The following ZRANB3 variants were observed in gnomAD, a reference collection of about 807,000 sequenced individuals.
The protein encoded by ZRANB3 is DNA annealing helicase and endonuclease ZRANB3.
In ZRANB3, 125 loss-of-function variants were observed where a neutral mutation model predicts 133.8. The observed-to-expected ratio is 0.93, with a 90% CI of 0.81 to 1.08. The LOEUF is 1.08. Ranked by LOEUF, ZRANB3 falls within the 50% of genes least tolerant of loss-of-function variation. The pLI, the probability that ZRANB3 is intolerant of heterozygous loss-of-function variation, is 0.00. For missense variants in ZRANB3, 1,229 were observed against 1,275.5 expected (o/e 0.96, Z 0.56); for synonymous variants, 387 against 432.7 (o/e 0.89, Z 1.31).
At chr2:135,405,212 A>G (rs1440170454) in intron 2 of ZRANB3, among the ~76,000 whole-genome samples, 1 of 152,226 alleles carries the variant, frequency 6.6e-6, no homozygotes, top group South Asian at 2.1e-4. Context: ...AAAGATCAAA[A>G]GAGACAAAGA....
chr2:135,234,341 A>C (rs1363452256), intron 12 of ZRANB3, among the ~76,000 whole-genome samples: 1 of 152,094 alleles, frequency 6.6e-6, no homozygotes, highest in East Asian at 1.9e-4. Context: ...ACACAATAAT[A>C]ATCAGAGACT....
At chr2:135,316,103 A>C (rs1407852505) in intron 6 of ZRANB3, among the ~76,000 whole-genome samples, 1 of 152,196 alleles carries the variant, frequency 6.6e-6, no homozygotes, top group Non-Finnish European at 1.5e-5. Flanking sequence ...AGAACACAAA[A>C]TTACTATGAA....
chr2:135,336,440 C>T (rs1406118971), intron 6 of ZRANB3, among the ~76,000 whole-genome samples: 1 of 152,122 alleles, frequency 6.6e-6, no homozygotes, highest in Admixed American at 6.6e-5. Context: ...AGAATCAAAA[C>T]ATTATGGAAA....
intron 2 of ZRANB3, among the ~76,000 whole-genome samples, chr2:135,402,719 G>A (rs959065023): frequency 5.9e-5 from 9 of 152,102 alleles, no homozygotes; most frequent in African/African-American, 2.2e-4. Context: ...CTGAGTAGCT[G>A]GAATTACAGG....
At chr2:135,294,523 T>A (rs1218428261) in intron 8 of ZRANB3, among the ~76,000 whole-genome samples, 1 of 152,168 alleles carries the variant, frequency 6.6e-6, no homozygotes, top group Non-Finnish European at 1.5e-5. Context: ...TCTATCAATT[T>A]TTTTGATATT....
chr2:135,453,444 A>G (rs1690362879), intron 2 of ZRANB3, among the ~76,000 whole-genome samples: 1 of 152,248 alleles, frequency 6.6e-6, no homozygotes, highest in African/African-American at 2.4e-5. Context: ...ATCAGGCTGC[A>G]AATTTTCCAA....
At chr2:135,311,975 T>C (rs945314350) in intron 8 of ZRANB3, among the ~76,000 whole-genome samples, 1 of 152,026 alleles carries the variant, frequency 6.6e-6, no homozygotes, top group African/African-American at 2.4e-5. Context: ...TGCCAAGGTA[T>C]AGTGATGGGT....
intron 12 of ZRANB3, among the ~76,000 whole-genome samples, chr2:135,240,806 T>C (rs931459974): frequency 6.6e-6 from 1 of 152,124 alleles, no homozygotes; most frequent in Non-Finnish European, 1.5e-5. Flanking sequence ...TCTTGAACTG[T>C]TGAGTTCAAG....
intron 15 of ZRANB3, 128 bp downstream of exon 15, chr2:135,224,298 G>T: frequency 1.4e-6 from 1 of 719,862 alleles, no homozygotes; most frequent in Non-Finnish European, 2.2e-6. Context: ...ACAGAAATTT[G>T]AGAATTAGCT....
At chr2:135,334,688 G>A (rs2104851730) in intron 6 of ZRANB3, among the ~76,000 whole-genome samples, 1 of 152,114 alleles carries the variant, frequency 6.6e-6, no homozygotes, top group South Asian at 2.1e-4. Context: ...GAGGTCAGGA[G>A]ATCGAGACCA....
At chr2:135,207,298 G>C in intron 19 of ZRANB3, 136 bp downstream of exon 19, 1 of 990,774 alleles carries the variant, frequency 1.0e-6, no homozygotes, top group Non-Finnish European at 1.4e-6. Flanking sequence ...AAAGCTGGCT[G>C]ATGGACATAT....
chr2:135,510,775 A>G, intron 1 of ZRANB3: 1 of 809,284 alleles, frequency 1.2e-6, no homozygotes, highest in South Asian at 1.3e-5. Context: ...GACCTTCTGA[A>G]CAGGCTCAGA....
In ZRANB3 at chr2:135,350,187, G is replaced by C. The variant is rs61744517; in HGVS notation, c.388C>G (p.Leu130Val). Residue 130 changes from leucine (L) to valine (V), a missense_variant, in exon 5 of 21, where the codon CTG (leucine) becomes GTG (valine). Transcript: ENST00000264159. Reference sequence around the variant, plus strand: ...TCTGCGGTTAAGAGACCATAACCCAGAACTGTCACTTTACTGGTCGACATT... The same window carrying C: ...TCTGCGGTTAAGAGACCATAACCCACAACTGTCACTTTACTGGTCGACATT... ...RRMSTSKVTV[L>V]GYGLLTADAK... The C allele has an allele frequency of 3.2e-4, 507 of 1,603,236 alleles. No homozygotes were observed. The highest frequency in any genetic ancestry group is 4.0e-4 in the Non-Finnish European group (469 of 1,174,454).
At chr2:135,467,402 G>C (rs1691046570) in intron 2 of ZRANB3, among the ~76,000 whole-genome samples, 1 of 152,162 alleles carries the variant, frequency 6.6e-6, no homozygotes, top group South Asian at 2.1e-4. Context: ...CACAAGCAAA[G>C]CAGCCCAATA....
chr2:135,330,484 T>G (rs893888438), intron 6 of ZRANB3, among the ~76,000 whole-genome samples: 1 of 152,216 alleles, frequency 6.6e-6, no homozygotes, highest in Non-Finnish European at 1.5e-5. Context: ...TTCGCATCGA[T>G]GTTCATCAGG....
chr2:135,406,515 C>CA (rs993509699), intron 2 of ZRANB3, among the ~76,000 whole-genome samples: 4 of 151,870 alleles, frequency 2.6e-5, no homozygotes, highest in African/African-American at 9.7e-5. Flanking sequence ...AGAGACAAAA[C>CA]AAAAAAAGAG....
intron 3 of ZRANB3, among the ~76,000 whole-genome samples, chr2:135,356,046 G>C (rs1430976771): frequency 1.3e-5 from 2 of 151,954 alleles, no homozygotes; most frequent in Admixed American, 1.3e-4. Flanking sequence ...TGGCTTGCCA[G>C]ACAACTCTCT....
At chr2:135,478,437 C>T (rs115988113) in intron 2 of ZRANB3, among the ~76,000 whole-genome samples, 1,573 of 152,280 alleles carry the variant, frequency 0.01, 25 homozygotes, top group African/African-American at 0.036. Flanking sequence ...GCCACCTCCA[C>T]TGAATGCTAT....
chr2:135,499,048 T>C (rs1230049242), intron 2 of ZRANB3, among the ~76,000 whole-genome samples: 2 of 152,162 alleles, frequency 1.3e-5, no homozygotes, highest in African/African-American at 4.8e-5. Flanking sequence ...CCACACCCTA[T>C]TTGTACACTC....
Sources: allele counts gnomAD v4.1 joint callset (sites outside exome capture counted in the v4.1 genomes callset), GRCh38; gene constraint gnomAD v4.1.1; transcripts MANE v1.5; gene names NCBI Gene and HGNC (gene_info 2026-07-23, HGNC 2026-07-21).